FOXP1: variants seen among roughly 807,000 people sequenced by gnomAD.
The protein encoded by FOXP1 is forkhead box P1.
Under a neutral mutation model 98.2 loss-of-function variants are expected in FOXP1, and 15 were observed. That is an observed-to-expected ratio of 0.15 (90% CI 0.10 to 0.24). FOXP1 has a LOEUF of 0.24. FOXP1 is among the 10% of genes least tolerant of loss of function. The pLI is 1.00. For missense variants in FOXP1, 633 were observed against 848.5 expected (o/e 0.75, Z 3.15); for synonymous variants, 371 against 314.5 (o/e 1.18, Z -1.90).
chr3:70,981,006 CA>C (rs1242351709), intron 14 of FOXP1, among the ~76,000 whole-genome samples: 1 of 151,966 alleles, frequency 6.6e-6, no homozygotes, highest in African/African-American at 2.4e-5. Context: ...GGAAGATCAC[CA>C]AGTTAACTGA....
intron 6 of FOXP1, among the ~76,000 whole-genome samples, chr3:71,138,532 G>A (rs768862511): frequency 1.4e-4 from 21 of 152,208 alleles, no homozygotes; most frequent in Non-Finnish European, 2.9e-4. Flanking sequence ...GACCTTAGCA[G>A]ATTAGGATTC....
At chr3:71,286,287 C>T (rs975316599) in intron 5 of FOXP1, among the ~76,000 whole-genome samples, 19 of 151,808 alleles carry the variant, frequency 1.3e-4, no homozygotes, top group Admixed American at 8.5e-4. Flanking sequence ...GGGATATCTA[C>T]CACCATGTAG....
At chr3:71,148,396 A>C (rs1054838271) in intron 6 of FOXP1, among the ~76,000 whole-genome samples, 1 of 150,926 alleles carries the variant, frequency 6.6e-6, no homozygotes, top group Non-Finnish European at 1.5e-5. Flanking sequence ...TAAAAAAAAA[A>C]CTAATAATAA....
chr3:71,022,083 C>A (rs936861653), intron 11 of FOXP1, among the ~76,000 whole-genome samples: 2 of 152,102 alleles, frequency 1.3e-5, no homozygotes, highest in Admixed American at 6.5e-5. Flanking sequence ...AACTTTATAG[C>A]TTTAGCTTTC....
chr3:71,092,448 T>A (rs1370223666), intron 7 of FOXP1, among the ~76,000 whole-genome samples: 1 of 151,956 alleles, frequency 6.6e-6, no homozygotes, highest in African/African-American at 2.4e-5. Flanking sequence ...ACAGAGACCC[T>A]TGTGGGACCC....
chr3:71,451,450 T>C (rs1211991516), intron 3 of FOXP1, among the ~76,000 whole-genome samples: 1 of 152,064 alleles, frequency 6.6e-6, no homozygotes, highest in Non-Finnish European at 1.5e-5. Context: ...AGAAAGCTTG[T>C]GAAGGAAGAT....
At chr3:71,186,750 A>G (rs180683340) in intron 6 of FOXP1, among the ~76,000 whole-genome samples, 1 of 152,326 alleles carries the variant, frequency 6.6e-6, no homozygotes, top group East Asian at 1.9e-4. Context: ...AGTATAAATA[A>G]ATAGATATTT....
At chr3:70,979,279 C>CAAAAAAAAAAAAAAAAAAAAAAAA (rs544916383) in intron 14 of FOXP1, among the ~76,000 whole-genome samples, 7 of 42,552 alleles carry the variant, frequency 1.6e-4, no homozygotes, top group Non-Finnish European at 2.2e-4. Context: ...GACTCTACCT[C>CAAAAAAAAAAAAAAAAAAAAAAAA]AAAAAAAAAA....
At chr3:71,374,887 C>T (rs2079607491) in intron 3 of FOXP1, among the ~76,000 whole-genome samples, 1 of 152,320 alleles carries the variant, frequency 6.6e-6, no homozygotes, top group East Asian at 1.9e-4. Context: ...CTTTTATTCT[C>T]ATTCCTTCCT....
At chr3:71,500,321 A>T (rs1553902341) in intron 2 of FOXP1, among the ~76,000 whole-genome samples, 1 of 152,152 alleles carries the variant, frequency 6.6e-6, no homozygotes, top group Non-Finnish European at 1.5e-5. Flanking sequence ...TCTCTTTTTC[A>T]CTAACAATCT....
At chr3:71,327,871 T>C (rs1201215369) in intron 4 of FOXP1, among the ~76,000 whole-genome samples, 1 of 152,192 alleles carries the variant, frequency 6.6e-6, no homozygotes, top group Non-Finnish European at 1.5e-5. Context: ...ATAAGGCGCA[T>C]ATAAATGTCT....
In FOXP1 at chr3:71,127,235, G is replaced by A. The variant is rs984973985; in HGVS notation, c.181-14598C>T. Among the ~76,000 whole-genome samples, 3 of 152,186 alleles carry A rather than the reference G, an allele frequency of 2.0e-5. No homozygotes were observed. In the East Asian group the frequency reaches 5.8e-4, roughly 29 times the overall value. ...GAAGAATCACACAGTACCATACCAG[G>A]TTAACAGCAGGTTTCAATTCTTTTG... On this transcript the variant is annotated intron_variant, in intron 6 of 20. Transcript: ENST00000649528.
Position 71,396,989 on chromosome 3 carries a change from TATATACAC to T in FOXP1, c.-167-37753_-167-37746del, listed in dbSNP as rs2081476246. On this transcript the variant is annotated intron_variant, in intron 3 of 20. Coordinates refer to ENST00000649528, the MANE Select transcript of FOXP1 (RefSeq NM_001349338.3). ...GTGTGTATATATATATATGTGTATA[TATATACAC>T]ATATATATGTGTATATATATATATA... Among the ~76,000 whole-genome samples, 8 of 79,618 alleles carry T rather than the reference TATATACAC, an allele frequency of 1.0e-4. 1 individual carries two copies. The highest frequency in any genetic ancestry group is 5.4e-4 in the East Asian group (2 of 3,704). The allele number at this position is 79,618 out of a possible 152,430, so 52.2% of individuals were successfully genotyped here.
intron 5 of FOXP1, among the ~76,000 whole-genome samples, chr3:71,222,506 C>A (rs1235018540): frequency 6.6e-6 from 1 of 152,106 alleles, no homozygotes; most frequent in Non-Finnish European, 1.5e-5. Flanking sequence ...GCAACCTCTG[C>A]CTCTCAGGTT....
At chr3:71,283,904 T>A (rs2071828087) in intron 5 of FOXP1, among the ~76,000 whole-genome samples, 1 of 152,148 alleles carries the variant, frequency 6.6e-6, no homozygotes, top group East Asian at 1.9e-4. Context: ...GGCCTCCCAA[T>A]GACAAGACCC....
intron 11 of FOXP1, among the ~76,000 whole-genome samples, chr3:71,036,219 A>T (rs2047560144): frequency 6.6e-6 from 1 of 152,180 alleles, no homozygotes; most frequent in South Asian, 2.1e-4. Context: ...GGAGTGGAGA[A>T]AATGCAAGCG....
At chr3:71,191,180 T>C (rs1427331235) in intron 6 of FOXP1, among the ~76,000 whole-genome samples, 2 of 152,206 alleles carry the variant, frequency 1.3e-5, no homozygotes, top group African/African-American at 2.4e-5. Flanking sequence ...ACGCAAGCCA[T>C]TGCAAAACAG....
chr3:71,030,521 T>G (rs2046722649), intron 11 of FOXP1, among the ~76,000 whole-genome samples: 1 of 152,260 alleles, frequency 6.6e-6, no homozygotes. Flanking sequence ...TTTGTTCTAT[T>G]TCCCTTCTAC....
At chr3:71,054,392 T>G (rs1284584030) in intron 7 of FOXP1, among the ~76,000 whole-genome samples, 1 of 152,224 alleles carries the variant, frequency 6.6e-6, no homozygotes, top group Non-Finnish European at 1.5e-5. Flanking sequence ...CCATGACATT[T>G]CAGTGACAAA....
Sources: allele counts gnomAD v4.1 joint callset (sites outside exome capture counted in the v4.1 genomes callset), GRCh38; gene constraint gnomAD v4.1.1; transcripts MANE v1.5; gene names NCBI Gene and HGNC (gene_info 2026-07-23, HGNC 2026-07-21).